PHKB: variants seen among roughly 807,000 people sequenced by gnomAD.
The protein encoded by PHKB is phosphorylase kinase regulatory subunit beta, also known as phosphorylase b kinase regulatory subunit beta.
A neutral mutation model predicts 152.1 loss-of-function variants in PHKB; 122 were observed. The ratio of observed to expected loss-of-function variants is 0.80; its 90% confidence interval spans 0.69 to 0.93. The LOEUF (loss-of-function observed/expected upper bound fraction) is 0.93, where lower values mean the gene tolerates loss of function less well. Ranked by LOEUF, PHKB falls within the 40% of genes least tolerant of loss-of-function variation. The pLI is 0.00. For synonymous variants in PHKB, 436 were observed against 464.9 expected, an observed-to-expected ratio of 0.94 and a Z score of 0.80; for missense variants, 1,304 against 1,328.4, an observed-to-expected ratio of 0.98 and a Z score of 0.29.
rs148915777 is a variant in PHKB, at chr16:47,667,279, A to G, written c.2428-1936A>G. Among the ~76,000 whole-genome samples the G allele has an allele frequency of 3.6e-3, 553 of 152,112 alleles. 5 individuals carry two copies. Among genetic ancestry groups the G allele is most frequent in the Non-Finnish European group, 5.8e-3 (394 of 67,986 alleles). On this transcript the variant is annotated intron_variant, in intron 25 of 30. Coordinates refer to ENST00000323584, the MANE Select transcript of PHKB (RefSeq NM_000293.3). Reference sequence around the variant, plus strand: ...GACCCTATCTCTGCAAAAAAAAGAAAAAAAAAATAGTTGGGCCTGGTGGCA... The same window carrying G: ...GACCCTATCTCTGCAAAAAAAAGAAGAAAAAAATAGTTGGGCCTGGTGGCA...
intron 7 of PHKB, among the ~76,000 whole-genome samples, chr16:47,579,625 A>T (rs758524464): frequency 1.4e-4 from 22 of 152,218 alleles, no homozygotes; most frequent in Non-Finnish European, 2.2e-4. Context: ...TTAAAAGATG[A>T]TATCATATTT....
At chr16:47,691,125 G>T (rs982816911) in intron 27 of PHKB, among the ~76,000 whole-genome samples, 1 of 152,066 alleles carries the variant, frequency 6.6e-6, no homozygotes, top group Non-Finnish European at 1.5e-5. Context: ...CATAATCTCA[G>T]TCTATTCATC....
chr16:47,535,206 A>T lies in PHKB; in HGVS notation c.595-12227A>T, dbSNP rs576059895. On this transcript the variant is annotated intron_variant, in intron 6 of 30. Transcript: ENST00000323584. The stretch of plus-strand genomic sequence containing the variant: ...TTCATTAAGACAAATTAACTGACAA[A>T]TATCTTTTTGAAACTTGGGGAAGAG... 3.3e-5 allele frequency among the ~76,000 whole-genome samples: 5 copies of T among 152,344 alleles called. No homozygotes were observed. In the East Asian group the frequency reaches 5.8e-4, roughly 18 times the overall value.
At chr16:47,689,444 G>A (rs543130999) in intron 27 of PHKB, among the ~76,000 whole-genome samples, 1 of 152,246 alleles carries the variant, frequency 6.6e-6, no homozygotes, top group Admixed American at 6.5e-5. Context: ...TGTGCAAAAT[G>A]TAACACCTCA....
intron 14 of PHKB, among the ~76,000 whole-genome samples, chr16:47,630,294 C>T (rs899133011): frequency 1.3e-4 from 19 of 151,932 alleles, no homozygotes; most frequent in African/African-American, 4.1e-4. Flanking sequence ...CCTGCCTGGC[C>T]AACATGGTGA....
chr16:47,552,905 T>C (rs1403103048), intron 7 of PHKB, among the ~76,000 whole-genome samples: 10 of 152,192 alleles, frequency 6.6e-5, no homozygotes. Context: ...AGAGATCTGC[T>C]GTTAGTCTGA....
chr16:47,490,649 A>T (rs1210433116), intron 1 of PHKB, among the ~76,000 whole-genome samples: 1 of 152,232 alleles, frequency 6.6e-6, no homozygotes, highest in Non-Finnish European at 1.5e-5. Flanking sequence ...CCTGTTAAAT[A>T]TGTTAGAGGA....
chr16:47,543,574 G>A (rs1971102834), intron 6 of PHKB, among the ~76,000 whole-genome samples: 3 of 152,174 alleles, frequency 2.0e-5, no homozygotes, highest in Admixed American at 2.0e-4. Flanking sequence ...CAGAAGGCAT[G>A]GTACCAGCTG....
chr16:47,623,646 C>T lies in PHKB; in HGVS notation c.1458+12726C>T, dbSNP rs182591244. On this transcript the variant is annotated intron_variant, in intron 14 of 30. Transcript: ENST00000323584. ...ATGGCTCACTGGAATCTCTGCCTCC[C>T]GGGTTCATGTGATTCTCCTGCCTCA... is the stretch of plus-strand genomic sequence containing the variant. Among the ~76,000 whole-genome samples the T allele has an allele frequency of 1.0e-3, 153 of 150,980 alleles. 1 individual carries two copies. Among genetic ancestry groups the T allele is most frequent in the Non-Finnish European group, 4.4e-4 (30 of 67,858 alleles).
chr16:47,486,742 C>T (rs1055034345), intron 1 of PHKB, among the ~76,000 whole-genome samples: 7 of 152,090 alleles, frequency 4.6e-5, no homozygotes, highest in African/African-American at 1.4e-4. Flanking sequence ...AAAAGATCTT[C>T]GGATTATGCT....
intron 6 of PHKB, among the ~76,000 whole-genome samples, chr16:47,543,743 C>T (rs188725914): frequency 2.6e-4 from 39 of 152,222 alleles, no homozygotes; most frequent in Admixed American, 4.6e-4. Flanking sequence ...CTGTAGGTCT[C>T]CAGGAATTTA....
At chr16:47,678,578 G>A (rs971512500) in intron 26 of PHKB, among the ~76,000 whole-genome samples, 15 of 152,204 alleles carry the variant, frequency 9.9e-5, no homozygotes, top group Admixed American at 6.5e-4. Context: ...CTTTTGAGAA[G>A]TGTCTGTTCA....
At chr16:47,464,286 A>G in intron 1 of PHKB, 2 of 405,826 alleles carry the variant, frequency 4.9e-6, no homozygotes, top group South Asian at 2.9e-5. Flanking sequence ...TGCACATAGC[A>G]TATTTCTTAA....
Position 47,519,053 on chromosome 16 carries a change from C to T in PHKB, c.594+3452C>T, listed in dbSNP as rs1567289560. Among the ~76,000 whole-genome samples, 5 of 152,086 alleles carry T rather than the reference C, an allele frequency of 3.3e-5. No homozygotes were observed. In the South Asian group the frequency reaches 1.0e-3, roughly 31 times the overall value. On this transcript the variant is annotated intron_variant, in intron 6 of 30. Transcript: ENST00000323584. ...TTGTGTTTGAGATACTTTTTTATGT[C>T]TCTTATGGAAGTTGTTAAGAGCACA...
At position 47,566,298 on chromosome 16, in the gene PHKB, C is replaced by T. The variant is rs187801730; in HGVS notation, c.711-13997C>T. The stretch of plus-strand genomic sequence containing the variant: ...AAAGCTGTCTGTGGCAGGACGAGCC[C>T]TTCAGTCTGTATCTGTTTTGTCATA... On this transcript the variant is annotated intron_variant, in intron 7 of 30. Coordinates refer to ENST00000323584, the MANE Select transcript of PHKB (RefSeq NM_000293.3). 9.5e-5 allele frequency: 100 copies of T among 1,057,316 alleles called. No homozygotes were observed. The African/African-American group carries it at 1.4e-3, about 15-fold the overall frequency. 65.5% of individuals were successfully genotyped at this position (1,057,316 alleles called of 1,614,324 possible). A position where few individuals can be genotyped will look rare whatever the true frequency, so the allele number is the denominator to read the frequency against.
At position 47,596,426 on chromosome 16, in the gene PHKB, G is replaced by GA. The variant is rs1454293516; in HGVS notation, c.1265dup (p.Asn422LysfsTer2). The GA allele has an allele frequency of 5.6e-6, 9 of 1,612,150 alleles. No homozygotes were observed. The highest frequency in any genetic ancestry group is 7.6e-6 in the Non-Finnish European group (9 of 1,178,450). On this transcript the variant is annotated frameshift_variant, in exon 13 of 31. Transcript: ENST00000323584. LOFTEE classifies it high-confidence loss of function. ...TGTGCCAGCTGACTTTGTAGAATAT[G>GA]AAAAAAATAACCCTGGTAGTCAAAA...
chr16:47,587,678 GGTCAGTTATATTT>G lies in PHKB; in HGVS notation c.788_800del (p.Ser263TrpfsTer58). ...TTTTTCTCTGTCCAGGGCTGTTCGT[GGTCAGTTATATTT>G]GTGGATCTCGATGCTCACAATCGCA... On this transcript the variant is annotated frameshift_variant, in exon 9 of 31. Coordinates refer to ENST00000323584, the MANE Select transcript of PHKB (RefSeq NM_000293.3). LOFTEE classifies it high-confidence loss of function. 6.2e-7 allele frequency: 1 copy of G among 1,612,098 alleles called. No individual in the cohort carries two copies. Among genetic ancestry groups the G allele is most frequent in the Non-Finnish European group, 8.5e-7 (1 of 1,178,376 alleles).
chr16:47,565,986 C>G, intron 7 of PHKB: 1 of 770,306 alleles, frequency 1.3e-6, no homozygotes, highest in East Asian at 2.6e-5. Flanking sequence ...GCTCTATGAC[C>G]GATCATCCCG....
intron 26 of PHKB, among the ~76,000 whole-genome samples, chr16:47,674,824 A>T (rs1447479246): frequency 3.3e-5 from 5 of 152,182 alleles, no homozygotes; most frequent in Non-Finnish European, 7.3e-5. Context: ...TGGGATAAGG[A>T]CAAATGGTAG....
Sources: gnomAD v4.1 joint callset for allele counts (sites outside exome capture counted in the v4.1 genomes callset) on GRCh38, gnomAD v4.1.1 for gene constraint, MANE v1.5 for transcripts, NCBI Gene and HGNC (gene_info 2026-07-23, HGNC 2026-07-21) for gene names.